Variants in XNDC1N observed in about 807,000 individuals in gnomAD.
XNDC1N encodes the protein XRCC1 N-terminal domain containing 1, N-terminal like.
At chr11:71,907,031 C>T in the XNDC1N span, among the ~76,000 whole-genome samples, 4,884 of 152,176 alleles carry the variant, frequency 0.032, 69 homozygotes, top group East Asian at 0.078. Flanking sequence ...TCAACCTCCC[C>T]TTAGGAGATT....
the XNDC1N span, among the ~76,000 whole-genome samples, chr11:71,881,440 A>G: frequency 4.6e-5 from 7 of 152,324 alleles, no homozygotes; most frequent in Non-Finnish European, 8.8e-5. Flanking sequence ...TTATAAGTCT[A>G]AGATCAAGAC....
chr11:71,896,928 C>T, the XNDC1N span, among the ~76,000 whole-genome samples: 9 of 152,212 alleles, frequency 5.9e-5, no homozygotes, highest in Non-Finnish European at 2.9e-5. Flanking sequence ...AATAACTTCT[C>T]ACCTTTATGT....
At chr11:71,918,542 A>T in the XNDC1N span, among the ~76,000 whole-genome samples, 1 of 152,126 alleles carries the variant, frequency 6.6e-6, no homozygotes, top group Non-Finnish European at 1.5e-5. Flanking sequence ...TTCGCCTCCC[A>T]AAGTGTTGGG....
chr11:71,902,372 T>C, the XNDC1N span, among the ~76,000 whole-genome samples: 1 of 152,186 alleles, frequency 6.6e-6, no homozygotes, highest in Non-Finnish European at 1.5e-5. Context: ...TTTGTATTTT[T>C]AGTAGAGGTG....
At chr11:71,898,251 C>T in the XNDC1N span, among the ~76,000 whole-genome samples, 1 of 151,612 alleles carries the variant, frequency 6.6e-6, no homozygotes, top group Non-Finnish European at 1.5e-5. Flanking sequence ...GCACTTCTGA[C>T]GCAGGCCGCA....
the XNDC1N span, among the ~76,000 whole-genome samples, chr11:71,892,108 GA>G: frequency 3.3e-5 from 5 of 152,052 alleles, no homozygotes; most frequent in Non-Finnish European, 7.4e-5. Context: ...CTGGATATTA[GA>G]AAAAAATATC....
the XNDC1N span, among the ~76,000 whole-genome samples, chr11:71,927,341 G>A: frequency 6.6e-6 from 1 of 152,030 alleles, no homozygotes; most frequent in Non-Finnish European, 1.5e-5. Context: ...CGAGACCATG[G>A]CCATGACCCC....
the XNDC1N span, chr11:71,928,468 G>A: frequency 1.4e-6 from 1 of 702,508 alleles, no homozygotes; most frequent in Non-Finnish European, 2.6e-6. Context: ...CTGACCCCGA[G>A]AGCTACTCTT....
chr11:71,893,408 T>A, the XNDC1N span: 1 of 704,742 alleles, frequency 1.4e-6, no homozygotes, highest in African/African-American at 1.8e-5. Context: ...CATTAAGGGC[T>A]GGTTTTTATC....
the XNDC1N span, among the ~76,000 whole-genome samples, chr11:71,891,280 G>A: frequency 1.3e-4 from 20 of 151,712 alleles, no homozygotes; most frequent in Non-Finnish European, 2.8e-4. Flanking sequence ...GGATCACAGG[G>A]CTGTGGAAAC....
At chr11:71,902,201 TG>T in the XNDC1N span, among the ~76,000 whole-genome samples, 3 of 152,220 alleles carry the variant, frequency 2.0e-5, no homozygotes, top group Non-Finnish European at 4.4e-5. Flanking sequence ...TTTTGTTTTT[TG>T]TTTTTTGAGA....
At chr11:71,885,715 A>G in the XNDC1N span, among the ~76,000 whole-genome samples, 2 of 152,058 alleles carry the variant, frequency 1.3e-5, no homozygotes. Context: ...ATTAACATGA[A>G]TATGAATGAC....
the XNDC1N span, among the ~76,000 whole-genome samples, chr11:71,920,753 C>A: frequency 6.6e-6 from 1 of 152,070 alleles, no homozygotes; most frequent in Non-Finnish European, 1.5e-5. Flanking sequence ...AATATAAATT[C>A]TGAGTTCTAA....
chr11:71,894,286 A>G, the XNDC1N span: 55,684 of 400,066 alleles, frequency 0.14, 7,703 homozygotes, highest in African/African-American at 0.47. Flanking sequence ...GAATGGTGTG[A>G]TGGCGTCAGT....
At chr11:71,922,952 C>A in the XNDC1N span, among the ~76,000 whole-genome samples, 1 of 152,186 alleles carries the variant, frequency 6.6e-6, no homozygotes, top group Non-Finnish European at 1.5e-5. Flanking sequence ...GGTAACCTCA[C>A]AGGTCTGGGA....
the XNDC1N span, among the ~76,000 whole-genome samples, chr11:71,905,287 T>C: frequency 1.3e-5 from 2 of 151,812 alleles, no homozygotes; most frequent in African/African-American, 4.8e-5. Context: ...TATCACAGGG[T>C]GTGATATTAG....
At chr11:71,866,914 T>C in the XNDC1N span, among the ~76,000 whole-genome samples, 4 of 152,188 alleles carry the variant, frequency 2.6e-5, no homozygotes, top group Non-Finnish European at 4.4e-5. Flanking sequence ...TCCAAATAAA[T>C]GGCAAGTCAC....
the XNDC1N span, among the ~76,000 whole-genome samples, chr11:71,882,225 AAG>A: frequency 6.6e-6 from 1 of 151,482 alleles, no homozygotes; most frequent in Admixed American, 6.5e-5. Context: ...AAAAAAAAAA[AAG>A]AACACTATCT....
chr11:71,875,748 C>T, the XNDC1N span, among the ~76,000 whole-genome samples: 8 of 152,240 alleles, frequency 5.3e-5, no homozygotes, highest in Admixed American at 6.5e-5. Flanking sequence ...CTGGCAGCGC[C>T]GGGCACGTAG....
Sources: allele counts gnomAD v4.1 joint callset (sites outside exome capture counted in the v4.1 genomes callset), GRCh38; gene constraint gnomAD v4.1.1; transcripts MANE v1.5; gene names NCBI Gene and HGNC (gene_info 2026-07-23, HGNC 2026-07-21).